Variants in ATL1 observed in about 807,000 individuals in gnomAD.
The protein encoded by ATL1 is atlastin GTPase 1.
ATL1 carries 31 observed loss-of-function variants against 75.5 expected under a neutral mutation model. That is an observed-to-expected ratio of 0.41 (90% confidence interval 0.31 to 0.55). The LOEUF (loss-of-function observed/expected upper bound fraction) is 0.55. Among genes scored for constraint, ATL1 ranks in the 20% least tolerant of loss-of-function variants. The probability of loss-of-function intolerance (pLI) is 0.27; values close to 1 mark genes in which losing one functional copy is unlikely to be tolerated. For synonymous variants in ATL1, 226 were observed against 233.3 expected (o/e 0.97, Z 0.28); for missense variants, 405 against 662.6 (o/e 0.61, Z 4.27).
At chr14:50,573,694 T>G (rs929941741) in intron 1 of ATL1, among the ~76,000 whole-genome samples, 1 of 152,208 alleles carries the variant, frequency 6.6e-6, no homozygotes, top group African/African-American at 2.4e-5. Flanking sequence ...TTTGGACTGC[T>G]TTATCTACCA....
At chr14:50,614,764 TC>T (rs2140227278) in intron 8 of ATL1, among the ~76,000 whole-genome samples, 1 of 152,282 alleles carries the variant, frequency 6.6e-6, no homozygotes, top group East Asian at 1.9e-4. Context: ...GCAGTAACCC[TC>T]ACCTTCTTAT....
intron 12 of ATL1, chr14:50,628,727 T>A: frequency 1.9e-6 from 1 of 522,074 alleles, no homozygotes; most frequent in Non-Finnish European, 3.6e-6. Context: ...TTTTTCTTTT[T>A]TTGGGTAGGG....
Position 50,613,274 on chromosome 14 carries a change from G to A in ATL1, c.646G>A (p.Val216Ile), listed in dbSNP as rs779305856. 6.2e-7 allele frequency: 1 copy of A among 1,612,930 alleles called. No individual in the cohort carries two copies. The highest frequency in any genetic ancestry group is 8.5e-7 in the Non-Finnish European group (1 of 1,179,422). ...TATTTTTTAGAGTCTGATATTTCTT[G>A]TTCGAGACTGGAGTTTCCCATACGA... is the stretch of plus-strand genomic sequence containing the variant. ...LKPFQSLIFL[V>I]RDWSFPYEFS... The change falls in exon 7 of 14, where the codon GTT (valine) becomes ATT (isoleucine). Residue 216 changes from valine to isoleucine, a missense_variant. Around this residue, in one of 5 missense-constraint regions of ATL1, gnomAD observed 59 missense variants for 161.4 expected, o/e 0.37. Transcript: ENST00000358385.
At position 50,612,053 on chromosome 14, in the gene ATL1, G is replaced by A. The variant is rs554217316; in HGVS notation, c.631-1206G>A. Reference sequence around the variant, plus strand: ...GAATTAATCATTATTCACATAATGGGAAATTGCGCAGTAATGACTATGAAT... The same window carrying A: ...GAATTAATCATTATTCACATAATGGAAAATTGCGCAGTAATGACTATGAAT... On this transcript the variant is annotated intron_variant, in intron 6 of 13. Coordinates refer to ENST00000358385, the MANE Select transcript of ATL1 (RefSeq NM_015915.5). Among the ~76,000 whole-genome samples, 3 of 152,228 alleles carry A rather than the reference G, an allele frequency of 2.0e-5. No individual in the cohort carries two copies. The South Asian group carries it at 6.2e-4, about 32-fold the overall frequency.
At chr14:50,586,899 C>T (rs1188841408) in intron 1 of ATL1, among the ~76,000 whole-genome samples, 1 of 152,036 alleles carries the variant, frequency 6.6e-6, no homozygotes, top group African/African-American at 2.4e-5. Flanking sequence ...ATAATAAATA[C>T]CGTACTGGAA....
intron 9 of ATL1, among the ~76,000 whole-genome samples, chr14:50,621,558 G>A (rs577709661): frequency 2.4e-4 from 36 of 152,250 alleles, no homozygotes; most frequent in African/African-American, 7.9e-4. Flanking sequence ...TGAAAAGGGC[G>A]TTACTCCCGG....
intron 1 of ATL1, among the ~76,000 whole-genome samples, chr14:50,547,152 T>A (rs2038644171): frequency 6.6e-6 from 1 of 152,182 alleles, no homozygotes; most frequent in East Asian, 1.9e-4. Context: ...TAAGTTAGAA[T>A]AGTGATTAGA....
At chr14:50,539,685 G>A (rs940733165) in intron 1 of ATL1, among the ~76,000 whole-genome samples, 1 of 152,168 alleles carries the variant, frequency 6.6e-6, no homozygotes, top group African/African-American at 2.4e-5. Flanking sequence ...GCCCTAATGG[G>A]GAAGTACACA....
chr14:50,553,788 A>C (rs1654296115), intron 1 of ATL1, among the ~76,000 whole-genome samples: 1 of 152,216 alleles, frequency 6.6e-6, no homozygotes, highest in Admixed American at 6.5e-5. Context: ...AGAACAAAAT[A>C]ATGGCCTTTG....
rs550197506 is a variant in ATL1, at chr14:50,610,940, C to T, written c.631-2319C>T. Among the ~76,000 whole-genome samples the T allele has an allele frequency of 5.9e-5, 9 of 152,200 alleles. No homozygotes were observed. The South Asian group carries it at 1.9e-3, about 32-fold the overall frequency. On this transcript the variant is annotated intron_variant, in intron 6 of 13. Transcript: ENST00000358385. ...TTCAGGTGAACCTGATGACATTCAC[C>T]CCTTACATACAGGTGACAGTTCAGA...
At chr14:50,624,689 G>A (rs560122322) in intron 11 of ATL1, among the ~76,000 whole-genome samples, 9 of 152,196 alleles carry the variant, frequency 5.9e-5, no homozygotes, top group Admixed American at 4.6e-4. Context: ...CATATGAAAA[G>A]CTGACATAGG....
chr14:50,560,554 C>A (rs777890966), intron 1 of ATL1: 15 of 542,620 alleles, frequency 2.8e-5, no homozygotes, highest in African/African-American at 7.6e-5. Context: ...TTCCCCACCC[C>A]CCTCCCGCCT....
chr14:50,579,968 AT>A (rs889499267), intron 1 of ATL1, among the ~76,000 whole-genome samples: 4 of 152,180 alleles, frequency 2.6e-5, no homozygotes, highest in African/African-American at 9.7e-5. Context: ...CTATGTAAAT[AT>A]TTTTTCTCAC....
intron 8 of ATL1, among the ~76,000 whole-genome samples, chr14:50,617,122 T>C (rs2039423028): frequency 6.6e-6 from 1 of 152,254 alleles, no homozygotes; most frequent in East Asian, 1.9e-4. Flanking sequence ...TTATAATAAC[T>C]ATTTGTTCAT....
At chr14:50,592,683 G>A (rs921104184) in intron 4 of ATL1, among the ~76,000 whole-genome samples, 8 of 151,604 alleles carry the variant, frequency 5.3e-5, no homozygotes, top group Non-Finnish European at 1.0e-4. Flanking sequence ...AGGCCGAGGC[G>A]GGCGGATCAC....
chr14:50,630,045 G>C, intron 13 of ATL1, 36 bp downstream of exon 13: 1 of 1,489,224 alleles, frequency 6.7e-7, no homozygotes, highest in African/African-American at 1.4e-5. Flanking sequence ...AGCTATGTAT[G>C]TGTAAACATT....
intron 8 of ATL1, 74 bp from the exon 9 acceptor site, chr14:50,620,525 A>G: frequency 6.6e-7 from 1 of 1,511,142 alleles, no homozygotes; most frequent in South Asian, 1.1e-5. Context: ...GGGAGATCAA[A>G]GGATGTTTTA....
Position 50,553,681 on chromosome 14 carries a change from A to C in ATL1, c.-139-6446A>C, listed in dbSNP as rs1310750237. On this transcript the variant is annotated intron_variant, in intron 1 of 13. Coordinates refer to the ATL1 transcript ENST00000441560. Reference sequence around the variant, plus strand: ...GTTTGTAGCAGCACAATTCACAATTACAAAGATATGGAACCAAGCTAAATG... The same window carrying C: ...GTTTGTAGCAGCACAATTCACAATTCCAAAGATATGGAACCAAGCTAAATG... 2.0e-5 allele frequency among the ~76,000 whole-genome samples: 3 copies of C among 152,240 alleles called. No individual in the cohort carries two copies. The East Asian group carries it at 5.8e-4, about 29-fold the overall frequency.
intron 6 of ATL1, among the ~76,000 whole-genome samples, chr14:50,609,727 G>A (rs962500133): frequency 4.6e-5 from 7 of 151,984 alleles, no homozygotes; most frequent in Non-Finnish European, 7.4e-5. Flanking sequence ...ACTGACCAAC[G>A]CAGCAGCACT....
Sources: gnomAD v4.1 joint callset for allele counts (sites outside exome capture counted in the v4.1 genomes callset) on GRCh38, gnomAD v4.1.1 for gene constraint, gnomAD v4.1.1 regional missense constraint, MANE v1.5 for transcripts, NCBI Gene and HGNC (gene_info 2026-07-23, HGNC 2026-07-21) for gene names.